The following NES variants were observed in gnomAD, a reference collection of about 807,000 sequenced individuals.
NES encodes nestin.
In NES, 27 loss-of-function variants were observed where a neutral mutation model predicts 35.6. The ratio of observed to expected loss-of-function variants is 0.76; its 90% CI spans 0.56 to 1.04. NES has a LOEUF of 1.04. Ranked by LOEUF, NES falls within the 50% of genes least tolerant of loss-of-function variation. The pLI is 0.00. For missense variants in NES, 1,867 were observed against 1,983.6 expected (o/e 0.94, Z 1.12); for synonymous variants, 822 against 824.2 (o/e 1.00, Z 0.04).
rs201993601 is a variant in NES at position 156,669,983 on chromosome 1, G to A, written c.4205C>T (p.Ala1402Val). 6 of 1,613,774 alleles carry A rather than the reference G, an allele frequency of 3.7e-6. No individual in the cohort carries two copies. The Middle Eastern group carries it at 9.9e-4, about 266-fold the overall frequency. The change falls in exon 4 of 4, where the codon GCC becomes GTC. Residue 1402 changes from alanine to valine, a missense_variant. By Grantham distance (64) the Ala-to-Val change is moderately conservative (BLOSUM62 0). Coordinates refer to ENST00000368223, the MANE Select transcript of NES (RefSeq NM_006617.2). ...QVPQLLLDPAAWDRDGESDGF... is the reference protein window; with the variant it reads ...QVPQLLLDPAVWDRDGESDGF... ...ATCGGACTCCCCATCTCGATCCCAG[G>A]CTGCAGGATCCAGTAGCAGCTGGGG...
Position 156,677,072 on chromosome 1 carries a change from C to T in NES, c.193G>A (p.Ala65Thr), listed in dbSNP as rs745982008. 8.1e-6 allele frequency: 13 copies of T among 1,599,298 alleles called. No individual in the cohort carries two copies. The highest frequency in any genetic ancestry group is 4.5e-5 in the South Asian group (4 of 89,460). ...HADDELAALR[A>T]LVDQRWREKH... is the part of the protein sequence containing the mutation. ...TCCCGCCAGCGTTGGTCAACGAGGG[C>T]CCGCAGGGCCGCCAGCTCGTCGTCG... Residue 65 changes from alanine (A) to threonine (T), a missense_variant, in exon 1 of 4, where the codon GCC becomes ACC. Ala to Thr is a moderately conservative substitution (Grantham distance 58). Coordinates refer to ENST00000368223, the MANE Select transcript of NES (RefSeq NM_006617.2). This position sits in a 1 kb window ranked among gnomAD's most constrained non-coding sequence, Gnocchi z 4.5.
In NES at chr1:156,669,860, A is replaced by G; in HGVS notation, c.4328T>C (p.Val1443Ala). 1 of 1,613,498 alleles carries G rather than the reference A, an allele frequency of 6.2e-7. No homozygotes were observed. Among genetic ancestry groups the G allele is most frequent in the Non-Finnish European group, 8.5e-7 (1 of 1,179,820 alleles). Reference sequence around the variant, plus strand: ...GCTACTCAGGGCCTGGAGGCTGCCAACAGAAGACCCTGGCCCCCACCGCCC... The same window carrying G: ...GCTACTCAGGGCCTGGAGGCTGCCAGCAGAAGACCCTGGCCCCCACCGCCC... Reference protein sequence around the residue: ...GAGRWGPGSSVGSLQALSSSQ... With the variant: ...GAGRWGPGSSAGSLQALSSSQ... Residue 1443 changes from valine (V) to alanine (A), a missense_variant, in exon 4 of 4, where the codon GTT becomes GCT. Val to Ala is a moderately conservative substitution (Grantham distance 64). Transcript: ENST00000368223.
chr1:156,672,354 C>T lies in NES; in HGVS notation c.1834G>A (p.Gly612Ser), dbSNP rs747649645. ...VVRPLEKEAV[G>S]QLKPTGKEDT... The stretch of plus-strand genomic sequence containing the variant: ...TCTTTTCCTGTAGGCTTAAGTTGGC[C>T]TACAGCCTCTTTTTCTAGAGGTCTC... Residue 612 changes from glycine to serine, a missense_variant, in exon 4 of 4, where the codon GGC becomes AGC. Coordinates refer to ENST00000368223, the MANE Select transcript of NES (RefSeq NM_006617.2). 4 of 1,612,922 alleles carry T rather than the reference C, an allele frequency of 2.5e-6. No homozygotes were observed. The highest frequency in any genetic ancestry group is 3.4e-6 in the Non-Finnish European group (4 of 1,179,912).
chr1:156,670,869 C>T lies in NES; in HGVS notation c.3319G>A (p.Gly1107Arg), dbSNP rs1317047582. ...GTCAGATGGCCTGGGTCCCCCAGCC[C>T]TCCCACCCCCTGCCCCGGGCCTGGC... is the stretch of plus-strand genomic sequence containing the variant. Reference protein sequence around the residue: ...AEPGPGQGVGGLGDPGHLTRE... With the variant: ...AEPGPGQGVGRLGDPGHLTRE... Residue 1107 changes from glycine (G) to arginine (R), a missense_variant, in exon 4 of 4, where the codon GGG becomes AGG. By Grantham distance (125) the Gly-to-Arg change is moderately radical. Coordinates refer to ENST00000368223, the MANE Select transcript of NES (RefSeq NM_006617.2). The T allele has an allele frequency of 6.2e-7, 1 of 1,601,012 alleles. No homozygotes were observed. The highest frequency in any genetic ancestry group is 1.7e-5 in the Admixed American group (1 of 59,930).
chr1:156,672,873 T>C lies in NES; in HGVS notation c.1315A>G (p.Ser439Gly). Reference protein sequence around the residue: ...RAEARVAIPASVLPGPEEPGG... With the variant: ...RAEARVAIPAGVLPGPEEPGG... ...GGCTCCTCTGGTCCAGGCAGGACGC[T>C]GGCAGGAATGGCCACCCTGGCTTCA... Residue 439 changes from serine to glycine, a missense_variant, in exon 4 of 4, where the codon AGC becomes GGC. Transcript: ENST00000368223. The C allele has an allele frequency of 4.3e-6, 7 of 1,613,928 alleles. No individual in the cohort carries two copies. The highest frequency in any genetic ancestry group is 5.9e-6 in the Non-Finnish European group (7 of 1,180,020).
At position 156,670,486 on chromosome 1, in the gene NES, C is replaced by T; in HGVS notation, c.3702G>A (p.Gly1234=). 1.3e-6 allele frequency: 2 copies of T among 1,582,666 alleles called. No individual in the cohort carries two copies. Among genetic ancestry groups the T allele is most frequent in the East Asian group, 2.2e-5 (1 of 44,520 alleles). The change falls in exon 4 of 4, where the codon GGG becomes GGA. Residue 1234 remains glycine, a synonymous_variant. Transcript: ENST00000368223. ...TYTPILEDAP[G]PQPQAEGSQE... ...GACTCCCTTCAGCCTGAGGCTGAGG[C>T]CCAGGGGCATCTTCCAGGATCGGGG...
In NES at chr1:156,670,697, G is replaced by A; in HGVS notation, c.3491C>T (p.Pro1164Leu). Residue 1164 changes from proline (P) to leucine (L), a missense_variant, in exon 4 of 4, where the codon CCT becomes CTT. By Grantham distance (98) the Pro-to-Leu change is moderately conservative. Transcript: ENST00000368223. ...CCTACCCTCCCTGGGAGGCTCCCAA[G>A]GGTCTCTGCTCTTCCCAGGCAGCTC... Reference protein sequence around the residue: ...FSELPGKSRDPWEPPREGREE... With the variant: ...FSELPGKSRDLWEPPREGREE... 5 of 1,613,948 alleles carry A rather than the reference G, an allele frequency of 3.1e-6. No homozygotes were observed. The highest frequency in any genetic ancestry group is 4.2e-6 in the Non-Finnish European group (5 of 1,179,938).
Position 156,676,636 on chromosome 1 carries a change from C to T in NES, c.629G>A (p.Arg210Gln). The T allele has an allele frequency of 6.5e-7, 1 of 1,533,546 alleles. No homozygotes were observed. The highest frequency in any genetic ancestry group is 8.7e-7 in the Non-Finnish European group (1 of 1,153,070). 95.0% of individuals were successfully genotyped at this position (1,533,546 alleles called of 1,614,324 possible). The change falls in exon 1 of 4, where the codon CGG becomes CAG. Residue 210 changes from arginine to glutamine, a missense_variant. Coordinates refer to ENST00000368223, the MANE Select transcript of NES (RefSeq NM_006617.2). This position sits in a 1 kb window ranked among gnomAD's most constrained non-coding sequence, Gnocchi z 5.3. Reference sequence around the variant, plus strand: ...GGCACCCTGCACCGCCCGGCCCAGCCGCTCGCGGGCCTGGCCCAGCGACGT... The same window carrying T: ...GGCACCCTGCACCGCCCGGCCCAGCTGCTCGCGGGCCTGGCCCAGCGACGT... ...METSLGQARE[R>Q]LGRAVQGARE...
rs1037795231 is a variant in NES at position 156,677,169 on chromosome 1, C to G, written c.96G>C (p.Gln32His). The G allele has an allele frequency of 2.5e-6, 4 of 1,612,268 alleles. No individual in the cohort carries two copies. The Middle Eastern group carries it at 5.0e-4, about 200-fold the overall frequency. ...YLARVKALEE[Q>H]NELLSAELGG... Reference sequence around the variant, plus strand: ...CGAGCTCCGCGCTGAGCAGCTCATTCTGCTCCTCCAGCGCCTTGACCCGGG... The same window carrying G: ...CGAGCTCCGCGCTGAGCAGCTCATTGTGCTCCTCCAGCGCCTTGACCCGGG... Residue 32 changes from glutamine to histidine, a missense_variant, in exon 1 of 4, where the codon CAG (glutamine) becomes CAC (histidine). Physicochemically the swap from Gln to His is conservative, Grantham distance 24. Transcript: ENST00000368223. The surrounding 1 kb of genome is among the most constrained non-coding windows in gnomAD (Gnocchi z 4.5).
At position 156,669,139 on chromosome 1, in the gene NES, A is replaced by C; in HGVS notation, c.*183T>G. The C allele has an allele frequency of 4.2e-6, 2 of 478,960 alleles. No homozygotes were observed. The highest frequency in any genetic ancestry group is 1.1e-4 in the South Asian group (2 of 18,442). 29.7% of individuals were successfully genotyped at this position (478,960 alleles called of 1,614,324 possible). ...GGGAGGTTATATTCCTACAGCCTCC[A>C]TTCTTGGAGTAGGCTCCTTTGCCAC... On this transcript the variant is annotated 3_prime_UTR_variant, in exon 4 of 4. Coordinates refer to ENST00000368223, the MANE Select transcript of NES (RefSeq NM_006617.2).
chr1:156,676,799 C>G lies in NES; in HGVS notation c.466G>C (p.Ala156Pro). The G allele has an allele frequency of 7.1e-7, 1 of 1,410,014 alleles. No homozygotes were observed. Among genetic ancestry groups the G allele is most frequent in the Non-Finnish European group, 9.1e-7 (1 of 1,095,086 alleles). The allele number at this position is 1,410,014 out of a possible 1,614,324, so 87.3% of individuals were successfully genotyped here. A position where few individuals can be genotyped will look rare whatever the true frequency, so the allele number is the denominator to read the frequency against. ...GGCGCGGGGCAGCGGGGGGCACAGGCAGCCTGCGCGTTCAGGCCGACGCGC... is the reference window on the plus strand; with the variant it reads ...GGCGCGGGGCAGCGGGGGGCACAGGGAGCCTGCGCGTTCAGGCCGACGCGC... ...EERVGLNAQA[A>P]CAPRCPAPPR... The change falls in exon 1 of 4, where the codon GCC becomes CCC. Residue 156 changes from alanine (A) to proline (P), a missense_variant. Coordinates refer to ENST00000368223, the MANE Select transcript of NES (RefSeq NM_006617.2). This position sits in a 1 kb window ranked among gnomAD's most constrained non-coding sequence, Gnocchi z 5.3.
rs957304304 is a variant in NES, at chr1:156,670,476, G to A, written c.3712C>T (p.Gln1238Ter). 6.4e-7 allele frequency: 1 copy of A among 1,574,318 alleles called. No homozygotes were observed. The highest frequency in any genetic ancestry group is 8.6e-7 in the Non-Finnish European group (1 of 1,158,762). ...ILEDAPGPQP[Q>*]AEGSQEASWG... ...CTAGCCTCCTGACTCCCTTCAGCCTGAGGCTGAGGCCCAGGGGCATCTTCC... is the reference window on the plus strand; with the variant it reads ...CTAGCCTCCTGACTCCCTTCAGCCTAAGGCTGAGGCCCAGGGGCATCTTCC... Residue 1238 changes from glutamine (Q) to a stop codon, truncating the protein, a stop_gained, in exon 4 of 4, where the codon CAG (glutamine) becomes TAG (stop). Transcript: ENST00000368223. LOFTEE classifies it low-confidence loss of function (END_TRUNC).
chr1:156,670,808 T>G lies in NES; in HGVS notation c.3380A>C (p.Glu1127Ala). The G allele has an allele frequency of 6.2e-7, 1 of 1,613,980 alleles. No individual in the cohort carries two copies. The highest frequency in any genetic ancestry group is 1.1e-5 in the South Asian group (1 of 91,084). Residue 1127 changes from glutamate (E) to alanine (A), a missense_variant, in exon 4 of 4, where the codon GAG becomes GCG. Coordinates refer to ENST00000368223, the MANE Select transcript of NES (RefSeq NM_006617.2). Reference protein sequence around the residue: ...EEVMEPPLEEESLEAKRVQGL... With the variant: ...EEVMEPPLEEASLEAKRVQGL... ...CTGAACCCTCTTTGCCTCCAAACTC[T>G]CCTCTTCCAGGGGTGGTTCCATCAC...
Position 156,673,135 on chromosome 1 carries a change from C to A in NES, c.1053G>T (p.Leu351=). The A allele has an allele frequency of 6.4e-7, 1 of 1,563,752 alleles. No individual in the cohort carries two copies. Among genetic ancestry groups the A allele is most frequent in the Non-Finnish European group, 8.7e-7 (1 of 1,153,272 alleles). The change falls in exon 4 of 4, where the codon CTG becomes CTT. Residue 351 remains leucine, a synonymous_variant. Transcript: ENST00000368223. ...GRRLGSLLPV[L]SPTSLPSPLP... is the part of the protein sequence containing the mutation. ...AGGGTGAGGGGAGGGAAGTTGGGCT[C>A]AGGACTGGGAGCAAAGATCCAAGAC...
Position 156,669,255 on chromosome 1 carries a change from C to T in NES, c.*67G>A, listed in dbSNP as rs969035488. On this transcript the variant is annotated 3_prime_UTR_variant, in exon 4 of 4. Transcript: ENST00000368223. ...AAGAGTGCTGCTCCTGAGCAGGGAG[C>T]GGGCTTGGAGGCGTCCTTCCCCTCC... 86 of 1,091,170 alleles carry T rather than the reference C, an allele frequency of 7.9e-5. No homozygotes were observed. The highest frequency in any genetic ancestry group is 2.1e-4 in the Middle Eastern group (1 of 4,686). The allele number at this position is 1,091,170 out of a possible 1,614,324, so 67.6% of individuals were successfully genotyped here.
chr1:156,671,618 T>G lies in NES; in HGVS notation c.2570A>C (p.Gln857Pro). The change falls in exon 4 of 4, where the codon CAG (glutamine) becomes CCG (proline). Residue 857 changes from glutamine (Q) to proline (P), a missense_variant. Physicochemically the swap from Gln to Pro is moderately conservative, Grantham distance 76. Transcript: ENST00000368223. ...APLWTPEEIN[Q>P]GAMNPLEKEI... ...CTTTTCTAGAGGATTCATTGCCCCC[T>G]GATTTATTTCTTCTGGAGTCCACAG... 1 of 1,614,022 alleles carries G rather than the reference T, an allele frequency of 6.2e-7. No individual in the cohort carries two copies. The highest frequency in any genetic ancestry group is 8.5e-7 in the Non-Finnish European group (1 of 1,180,030).
Position 156,672,909 on chromosome 1 carries a change from G to A in NES, c.1279C>T (p.Pro427Ser). The change falls in exon 4 of 4, where the codon CCC becomes TCC. Residue 427 changes from proline to serine, a missense_variant. Physicochemically the swap from Pro to Ser is moderately conservative, Grantham distance 74 (BLOSUM62 -1). Coordinates refer to ENST00000368223, the MANE Select transcript of NES (RefSeq NM_006617.2). ...GCCACCCTGGCTTCAGCCCGCAGGG[G>A]CTCTGGAGCCTGTTTCCTCCCACCC... ...TQGGRKQAPEPLRAEARVAIP... is the reference protein window; with the variant it reads ...TQGGRKQAPESLRAEARVAIP... 6.2e-7 allele frequency: 1 copy of A among 1,614,008 alleles called. No homozygotes were observed. Among genetic ancestry groups the A allele is most frequent in the South Asian group, 1.1e-5 (1 of 91,074 alleles).
chr1:156,671,158 G>C lies in NES; in HGVS notation c.3030C>G (p.Gly1010=). The C allele has an allele frequency of 6.2e-7, 1 of 1,613,986 alleles. No homozygotes were observed. The highest frequency in any genetic ancestry group is 8.5e-7 in the Non-Finnish European group (1 of 1,180,012). ...GCTCAGGGCTCTCTGGGTGCCCCTC[G>C]CCTGGGATCCAGACCTCCTCTGTGG... ...LNATEEVWIP[G]EGHPESPEPK... Residue 1010 remains glycine, a synonymous_variant, in exon 4 of 4, where the codon GGC becomes GGG. Coordinates refer to ENST00000368223, the MANE Select transcript of NES (RefSeq NM_006617.2).
chr1:156,672,943 G>A lies in NES; in HGVS notation c.1245C>T (p.Leu415=), dbSNP rs1278550553. 1.9e-6 allele frequency: 3 copies of A among 1,613,972 alleles called. No homozygotes were observed. Among genetic ancestry groups the A allele is most frequent in the Admixed American group, 1.7e-5 (1 of 60,004 alleles). Residue 415 remains leucine (L), a synonymous_variant, in exon 4 of 4, where the codon CTC becomes CTT. Transcript: ENST00000368223. The part of the protein sequence containing the change: ...IRAQDAPLSL[L]QTQGGRKQAP... ...CCTGTTTCCTCCCACCCTGTGTCTGGAGCAGAGAGAGAGGAGCATCCTGGG... is the reference window on the plus strand; with the variant it reads ...CCTGTTTCCTCCCACCCTGTGTCTGAAGCAGAGAGAGAGGAGCATCCTGGG...
Sources: allele counts gnomAD v4.1 joint callset, GRCh38; gene constraint gnomAD v4.1.1; non-coding constraint Gnocchi (gnomAD v3.1); transcripts MANE v1.5; gene names NCBI Gene and HGNC (gene_info 2026-07-23, HGNC 2026-07-21).